The following ITPR2 variants were observed in gnomAD, a reference collection of about 807,000 sequenced individuals.
The protein encoded by ITPR2 is inositol 1,4,5-trisphosphate receptor type 2, also known as inositol 1,4,5-trisphosphate-gated calcium channel ITPR2.
A neutral mutation model predicts 317.1 loss-of-function variants in ITPR2; 207 were observed. That is an observed-to-expected ratio of 0.65 (90% CI 0.58 to 0.73). The LOEUF is 0.73. Ranked by LOEUF, ITPR2 falls within the 30% of genes least tolerant of loss-of-function variation. The pLI is 0.00. For synonymous variants in ITPR2, 1,156 were observed against 1,149.1 expected (o/e 1.01, Z -0.12); for missense variants, 2,613 against 3,284.0 (o/e 0.80, Z 4.99).
intron 21 of ITPR2, among the ~76,000 whole-genome samples, chr12:26,651,003 T>C (rs1947240041): frequency 6.6e-6 from 1 of 152,244 alleles, no homozygotes; most frequent in Admixed American, 6.5e-5. Context: ...TTTTCTCCAT[T>C]TGCTTTCGTG....
rs1438270296 is a variant in ITPR2 at position 26,666,007 on chromosome 12, T to C, written c.1454A>G (p.Asp485Gly). ...AACTTCTTGTCCATTATTAGGCACA[T>C]CAGCAACAAAGAATATGAGATCTTC... ...LLEDLIFFVA[D>G]VPNNGQEVLD... Residue 485 changes from aspartate to glycine, a missense_variant, in exon 14 of 57, where the codon GAT (aspartate) becomes GGT (glycine). Physicochemically the swap from Asp to Gly is moderately conservative, Grantham distance 94. This residue lies in a region of ITPR2 where 515 missense variants were observed against 789.4 expected (regional missense o/e 0.65). Coordinates refer to ENST00000381340, the MANE Select transcript of ITPR2 (RefSeq NM_002223.4). 1 of 1,613,124 alleles carries C rather than the reference T, an allele frequency of 6.2e-7. No homozygotes were observed. The highest frequency in any genetic ancestry group is 1.3e-5 in the African/African-American group (1 of 75,000).
At chr12:26,393,875 A>G (rs1204876689) in intron 54 of ITPR2, among the ~76,000 whole-genome samples, 1 of 152,180 alleles carries the variant, frequency 6.6e-6, no homozygotes. Context: ...TACAATCTCA[A>G]TATTTTATCT....
chr12:26,761,667 C>T (rs1434868670), intron 2 of ITPR2, among the ~76,000 whole-genome samples: 3 of 152,176 alleles, frequency 2.0e-5, no homozygotes, highest in African/African-American at 7.2e-5. Context: ...CATAGTGGCA[C>T]ATGCCTGTAG....
At chr12:26,394,883 G>C (rs1308293939) in intron 54 of ITPR2, among the ~76,000 whole-genome samples, 1 of 152,130 alleles carries the variant, frequency 6.6e-6, no homozygotes, top group African/African-American at 2.4e-5. Flanking sequence ...GAGAAAAAAG[G>C]AGATGCTAAA....
intron 42 of ITPR2, among the ~76,000 whole-genome samples, 189 bp downstream of exon 42, chr12:26,483,509 T>A (rs1318893429): frequency 6.6e-6 from 1 of 152,232 alleles, no homozygotes; most frequent in Admixed American, 6.5e-5. Context: ...ATGGGACTTG[T>A]TTTTACAATG....
chr12:26,811,053 A>C (rs990124680), intron 1 of ITPR2, among the ~76,000 whole-genome samples: 4 of 134,080 alleles, frequency 3.0e-5, no homozygotes, highest in Non-Finnish European at 5.1e-5. Context: ...AAAAAAAAAA[A>C]AAAAAAACAG....
At position 26,622,319 on chromosome 12, in the gene ITPR2, G is replaced by T. The variant is rs560310175; in HGVS notation, c.3209C>A (p.Pro1070Gln). Residue 1070 changes from proline (P) to glutamine (Q), a missense_variant, in exon 25 of 57, where the codon CCG becomes CAG. Physicochemically the swap from Pro to Gln is moderately conservative, Grantham distance 76. Transcript: ENST00000381340. ...VLIHLIMHDY[P>Q]PLLSGALQLL... is the part of the protein sequence containing the mutation. ...CTGCAGGGCTCCAGACAGCAAAGGCGGGTAGTCGTGCATGATCAGATGAAT... is the reference window on the plus strand; with the variant it reads ...CTGCAGGGCTCCAGACAGCAAAGGCTGGTAGTCGTGCATGATCAGATGAAT... 2 of 1,613,974 alleles carry T rather than the reference G, an allele frequency of 1.2e-6. No individual in the cohort carries two copies. The highest frequency in any genetic ancestry group is 2.2e-5 in the East Asian group (1 of 44,872).
intron 43 of ITPR2, among the ~76,000 whole-genome samples, chr12:26,478,351 G>A (rs940522514): frequency 6.6e-6 from 1 of 151,774 alleles, no homozygotes; most frequent in Non-Finnish European, 1.5e-5. Flanking sequence ...AATCCACTTC[G>A]ACAATCTAGT....
At chr12:26,644,061 T>A (rs146877497) in intron 21 of ITPR2, among the ~76,000 whole-genome samples, 1 of 152,212 alleles carries the variant, frequency 6.6e-6, no homozygotes, top group Non-Finnish European at 1.5e-5. Context: ...CAGGACCTAC[T>A]GTCCAAAACA....
At chr12:26,792,370 G>A (rs915970608) in intron 1 of ITPR2, among the ~76,000 whole-genome samples, 2 of 151,118 alleles carry the variant, frequency 1.3e-5, no homozygotes, top group African/African-American at 4.9e-5. Context: ...AAGTCAAACA[G>A]GATTTTAATG....
Position 26,624,477 on chromosome 12 carries a change from T to A in ITPR2, c.3065-121A>T, listed in dbSNP as rs1946574634. The A allele has an allele frequency of 9.0e-6, 6 of 668,452 alleles. No homozygotes were observed. In the Admixed American group the frequency reaches 1.6e-4, roughly 18 times the overall value. 41.4% of individuals were successfully genotyped at this position (668,452 alleles called of 1,614,324 possible). On this transcript the variant is annotated intron_variant, in intron 23 of 56. Transcript: ENST00000381340. ...CTTCATTTCTTTATTCGACCAAAAG[T>A]CAATTAACACTAATAATCTGATTTT...
At chr12:26,580,319 T>A (rs1347020592) in intron 32 of ITPR2, among the ~76,000 whole-genome samples, 164 bp from the exon 33 acceptor site, 1 of 152,158 alleles carries the variant, frequency 6.6e-6, no homozygotes, top group Non-Finnish European at 1.5e-5. Context: ...TCATGATAAT[T>A]GTATCAATCT....
At chr12:26,489,062 T>C (rs900844696) in intron 39 of ITPR2, among the ~76,000 whole-genome samples, 2 of 152,170 alleles carry the variant, frequency 1.3e-5, no homozygotes, top group Non-Finnish European at 2.9e-5. Context: ...ATTATTTACA[T>C]AGATAACACC....
At chr12:26,711,145 T>C in intron 9 of ITPR2, 28 bp downstream of exon 9, 1 of 1,505,292 alleles carries the variant, frequency 6.6e-7, no homozygotes, top group Non-Finnish European at 9.3e-7. Context: ...AGTCAGAAAC[T>C]TAATACCACT....
intron 37 of ITPR2, among the ~76,000 whole-genome samples, chr12:26,502,680 T>C (rs1198304760): frequency 6.6e-6 from 1 of 152,140 alleles, no homozygotes; most frequent in Non-Finnish European, 1.5e-5. Flanking sequence ...GCAAAGTATG[T>C]AACTCAGTAA....
At chr12:26,395,949 G>A (rs918390779) in intron 54 of ITPR2, among the ~76,000 whole-genome samples, 5 of 152,062 alleles carry the variant, frequency 3.3e-5, no homozygotes, top group Non-Finnish European at 7.4e-5. Flanking sequence ...CATTTTTTAA[G>A]AATAAAATGA....
intron 22 of ITPR2, among the ~76,000 whole-genome samples, chr12:26,630,890 T>G (rs561070553): frequency 6.6e-6 from 1 of 152,286 alleles, no homozygotes; most frequent in African/African-American, 2.4e-5. Flanking sequence ...AGGAAAACTT[T>G]AAACGATTTT....
intron 2 of ITPR2, among the ~76,000 whole-genome samples, chr12:26,761,972 C>T (rs982954243): frequency 1.3e-5 from 2 of 152,068 alleles, no homozygotes; most frequent in East Asian, 3.9e-4. Context: ...CCATAAAGGG[C>T]TTTAACAGCA....
chr12:26,683,307 A>T (rs1199923165), intron 11 of ITPR2, among the ~76,000 whole-genome samples: 1 of 152,168 alleles, frequency 6.6e-6, no homozygotes, highest in Non-Finnish European at 1.5e-5. Flanking sequence ...CTGAAGTGGA[A>T]CAAGGTGATG....
Sources: gnomAD v4.1 joint callset for allele counts (sites outside exome capture counted in the v4.1 genomes callset) on GRCh38, gnomAD v4.1.1 for gene constraint, gnomAD v4.1.1 regional missense constraint, MANE v1.5 for transcripts, NCBI Gene and HGNC (gene_info 2026-07-23, HGNC 2026-07-21) for gene names.